RBFOX3: variants seen among roughly 807,000 people sequenced by gnomAD.
The protein encoded by RBFOX3 is RNA binding protein fox-1 homolog 3.
RBFOX3 carries 17 observed loss-of-function variants against 48.7 expected under a neutral mutation model. The ratio of observed to expected loss-of-function variants is 0.35; its 90% CI spans 0.24 to 0.52. The LOEUF is 0.52. Ranked by LOEUF, RBFOX3 falls within the 20% of genes least tolerant of loss-of-function variation. The pLI is 0.94. For missense variants in RBFOX3, 382 were observed against 497.5 expected, an observed-to-expected ratio of 0.77 and a Z score of 2.21; for synonymous variants, 212 against 209.5, an observed-to-expected ratio of 1.01 and a Z score of -0.10.
the RBFOX3 span, among the ~76,000 whole-genome samples, chr17:79,634,029 G>A: frequency 6.6e-6 from 1 of 152,084 alleles, no homozygotes; most frequent in Non-Finnish European, 1.5e-5. Flanking sequence ...GTTTGTCTTC[G>A]ACGCCTTTGG....
At chr17:79,468,476 A>G (rs1205796367) in intron 2 of RBFOX3, among the ~76,000 whole-genome samples, 4 of 152,146 alleles carry the variant, frequency 2.6e-5, no homozygotes, top group East Asian at 1.9e-4. Flanking sequence ...GAATGGATAG[A>G]CGGGTACACA....
chr17:79,627,855 C>T, the RBFOX3 span, among the ~76,000 whole-genome samples: 4 of 152,126 alleles, frequency 2.6e-5, no homozygotes, highest in African/African-American at 4.8e-5. Context: ...GGGCAGCCGG[C>T]GGAGGGAGCA....
At chr17:79,519,047 G>A (rs1206270422) in intron 1 of RBFOX3, among the ~76,000 whole-genome samples, 1 of 152,234 alleles carries the variant, frequency 6.6e-6, no homozygotes, top group Non-Finnish European at 1.5e-5. Context: ...GAAGCCCGGG[G>A]CTGGCAGCTC....
In RBFOX3 at chr17:79,480,594, G is replaced by A. The variant is rs765015872; in HGVS notation, c.-175+1860C>T. On this transcript the variant is annotated intron_variant, in intron 2 of 14. Transcript: ENST00000693108. This position sits in a 1 kb window ranked among gnomAD's most constrained non-coding sequence, Gnocchi z 4.8. ...TCCTTCCTCCACCTGCACAGCCCCCGGACCCCGTGATGCCAGCCCCTCCTG... is the reference window on the plus strand; with the variant it reads ...TCCTTCCTCCACCTGCACAGCCCCCAGACCCCGTGATGCCAGCCCCTCCTG... Among the ~76,000 whole-genome samples the A allele has an allele frequency of 2.0e-5, 3 of 152,076 alleles. No individual in the cohort carries two copies. The highest frequency in any genetic ancestry group is 6.5e-5 in the Admixed American group (1 of 15,272).
At chr17:79,590,992 C>T (rs924374529) in intron 1 of RBFOX3, among the ~76,000 whole-genome samples, 4 of 152,186 alleles carry the variant, frequency 2.6e-5, no homozygotes, top group Non-Finnish European at 5.9e-5. Context: ...ACAAAAGAAG[C>T]CTGTGAGCAG....
At chr17:79,388,222 A>G (rs921848958) in intron 2 of RBFOX3, among the ~76,000 whole-genome samples, 6 of 152,178 alleles carry the variant, frequency 3.9e-5, no homozygotes, top group African/African-American at 1.4e-4. Flanking sequence ...CATGTGCTCC[A>G]TGGGCTGTGA....
At chr17:79,524,499 T>G (rs890284262) in intron 1 of RBFOX3, among the ~76,000 whole-genome samples, 9 of 152,226 alleles carry the variant, frequency 5.9e-5, no homozygotes, top group Non-Finnish European at 1.2e-4. Flanking sequence ...GGGATTTCAC[T>G]GCCAGATGAC....
chr17:79,620,454 C>A, the RBFOX3 span, among the ~76,000 whole-genome samples: 2 of 148,132 alleles, frequency 1.4e-5, no homozygotes, highest in Admixed American at 1.3e-4. Context: ...TGCACACATG[C>A]GCACACACAT....
At chr17:79,112,904 C>CGGGGCGGG (rs1555693090) in intron 5 of RBFOX3, among the ~76,000 whole-genome samples, 1 of 10,366 alleles carries the variant, frequency 9.6e-5, no homozygotes, top group South Asian at 2.3e-3. Flanking sequence ...AGCAGGCTCT[C>CGGGGCGGG]GGGGGGGGGG....
chr17:79,468,647 A>G (rs1028554309), intron 2 of RBFOX3, among the ~76,000 whole-genome samples: 20 of 151,796 alleles, frequency 1.3e-4, no homozygotes, highest in Admixed American at 2.6e-4. Context: ...AGAAGGATGG[A>G]TGGATGAATG....
intron 2 of RBFOX3, among the ~76,000 whole-genome samples, chr17:79,426,046 T>C (rs2067316083): frequency 6.6e-6 from 1 of 151,876 alleles, no homozygotes; most frequent in Admixed American, 6.6e-5. Context: ...ACTCATGGCC[T>C]GGAGCTGGGG....
At chr17:79,581,022 C>A (rs994475848) in intron 1 of RBFOX3, among the ~76,000 whole-genome samples, 3 of 152,122 alleles carry the variant, frequency 2.0e-5, no homozygotes. Context: ...CCGAGGCAGG[C>A]AGATCACGAG....
At chr17:79,447,504 T>C (rs1325169482) in intron 2 of RBFOX3, among the ~76,000 whole-genome samples, 1 of 152,170 alleles carries the variant, frequency 6.6e-6, no homozygotes, top group African/African-American at 2.4e-5. Context: ...TGTACGGTGA[T>C]ACGGTGCACA....
chr17:79,456,368 T>C (rs955801712), intron 2 of RBFOX3, among the ~76,000 whole-genome samples: 21 of 151,608 alleles, frequency 1.4e-4, no homozygotes, highest in African/African-American at 5.1e-4. Context: ...GAGCATCCCG[T>C]GTGCTGTAGG....
intron 1 of RBFOX3, among the ~76,000 whole-genome samples, chr17:79,605,617 C>T: frequency 6.6e-6 from 1 of 152,374 alleles, no homozygotes; most frequent in East Asian, 1.9e-4. Context: ...TGGGAGAAAG[C>T]TCTCAGCACA....
At chr17:79,395,201 C>T (rs777197434) in intron 2 of RBFOX3, among the ~76,000 whole-genome samples, 1 of 152,244 alleles carries the variant, frequency 6.6e-6, no homozygotes, top group African/African-American at 2.4e-5. Context: ...TTTGCAGCCA[C>T]GATGAGCTGA....
chr17:79,340,680 C>T (rs2081948526), intron 2 of RBFOX3, among the ~76,000 whole-genome samples: 1 of 151,900 alleles, frequency 6.6e-6, no homozygotes, highest in African/African-American at 2.4e-5. Context: ...GAGACGCAAG[C>T]ACTTGCAGTT....
chr17:79,529,679 G>C (rs1446710193), intron 1 of RBFOX3, among the ~76,000 whole-genome samples: 1 of 152,188 alleles, frequency 6.6e-6, no homozygotes, highest in African/African-American at 2.4e-5. Context: ...ACTAGCCCTG[G>C]GGACACCGCT....
intron 2 of RBFOX3, among the ~76,000 whole-genome samples, chr17:79,375,462 G>A (rs1489364635): frequency 6.6e-6 from 1 of 151,808 alleles, no homozygotes; most frequent in Admixed American, 6.6e-5. Flanking sequence ...GGGTAATCAG[G>A]GATAACATAC....
Sources: allele counts gnomAD v4.1 joint callset (sites outside exome capture counted in the v4.1 genomes callset), GRCh38; gene constraint gnomAD v4.1.1; non-coding constraint Gnocchi (gnomAD v3.1); transcripts MANE v1.5; gene names NCBI Gene and HGNC (gene_info 2026-07-23, HGNC 2026-07-21).